The following PRH1 variants were observed in gnomAD, a reference collection of about 807,000 sequenced individuals.
The protein encoded by PRH1 is salivary acidic proline-rich phosphoprotein 1/2.
Under a neutral mutation model 7.9 loss-of-function variants are expected in PRH1, and 7 were observed. The ratio of observed to expected loss-of-function variants is 0.89; its 90% CI spans 0.50 to 1.67. PRH1 has a LOEUF of 1.67. Ranked by LOEUF, PRH1 falls within the 40% of genes most tolerant of loss-of-function variation. The pLI is 0.00. For synonymous variants in PRH1, 45 were observed against 80.8 expected (o/e 0.56, Z 2.38); for missense variants, 109 against 223.6 (o/e 0.49, Z 3.27).
At chr12:10,988,989 G>A (rs191150921) in intron 1 of PRH1, among the ~76,000 whole-genome samples, 5 of 152,168 alleles carry the variant, frequency 3.3e-5, no homozygotes, top group Non-Finnish European at 1.5e-5. Context: ...TGTATTTTTA[G>A]TACAGACAGG....
At chr12:11,061,347 A>G (rs765582301) in intron 1 of PRH1, 6 of 1,599,384 alleles carry the variant, frequency 3.8e-6, no homozygotes, top group Admixed American at 1.8e-5. Context: ...GAAGATACAC[A>G]ATGCTGCTCT....
chr12:11,073,334 A>T lies in PRH1; in HGVS notation n.124-26146T>A, dbSNP rs1944161327. Among the ~76,000 whole-genome samples the T allele has an allele frequency of 2.6e-5, 3 of 115,722 alleles. 1 individual carries two copies. The highest frequency in any genetic ancestry group is 6.1e-5 in the Non-Finnish European group (3 of 49,296). 75.9% of individuals were successfully genotyped at this position (115,722 alleles called of 152,430 possible). On this transcript the variant is annotated intron_variant and non_coding_transcript_variant, in intron 1 of 4. Coordinates refer to the PRH1 transcript ENST00000541977. ...TTTAAAGTAGAGACCTGGTTTCACC[A>T]TGTTAGCCAGGCTGGTCTCAAACTC...
chr12:11,062,580 T>A (rs1943660098), intron 1 of PRH1, among the ~76,000 whole-genome samples: 1 of 152,128 alleles, frequency 6.6e-6, no homozygotes, highest in Admixed American at 6.6e-5. Context: ...TTATTCATAC[T>A]GAAGTTGACA....
chr12:10,901,354 C>G (rs908120942), intron 2 of PRH1, among the ~76,000 whole-genome samples: 1 of 152,168 alleles, frequency 6.6e-6, no homozygotes, highest in South Asian at 2.1e-4. Flanking sequence ...CTCCAATATC[C>G]CTGTGCAAAG....
intron 2 of PRH1, among the ~76,000 whole-genome samples, chr12:10,944,813 C>T (rs117353112): frequency 0.02 from 3,012 of 152,162 alleles, 34 homozygotes; most frequent in South Asian, 0.031. Context: ...TTTATTGAGA[C>T]AGTCATGTGG....
At chr12:10,910,425 C>T (rs566926693) in intron 2 of PRH1, among the ~76,000 whole-genome samples, 13 of 151,926 alleles carry the variant, frequency 8.6e-5, no homozygotes, top group African/African-American at 1.9e-4. Flanking sequence ...AGTTTGAGAC[C>T]GGCCTGGGCA....
intron 1 of PRH1, among the ~76,000 whole-genome samples, chr12:10,996,153 TA>T (rs966765090): frequency 5.6e-4 from 79 of 140,142 alleles, no homozygotes; most frequent in South Asian, 4.5e-4. Context: ...CCATCTCTAC[TA>T]AAAAAAAAAA....
Position 11,093,460 on chromosome 12 carries a change from A to G in PRH1, n.124-46272T>C, listed in dbSNP as rs1204624172. On this transcript the variant is annotated intron_variant and non_coding_transcript_variant, in intron 1 of 4. Coordinates refer to the PRH1 transcript ENST00000541977. Reference sequence around the variant, plus strand: ...CTTGTAATTTCCAAAATAAAAAATGAGTTTCCAAGAGGCTGTGCAGATGAA... The same window carrying G: ...CTTGTAATTTCCAAAATAAAAAATGGGTTTCCAAGAGGCTGTGCAGATGAA... 2.6e-5 allele frequency among the ~76,000 whole-genome samples: 3 copies of G among 116,208 alleles called. 1 individual carries two copies. The highest frequency in any genetic ancestry group is 4.1e-5 in the Non-Finnish European group (2 of 49,168). 76.2% of individuals were successfully genotyped at this position (116,208 alleles called of 152,430 possible).
At chr12:11,018,264 G>A (rs181046913) in intron 1 of PRH1, among the ~76,000 whole-genome samples, 2 of 152,210 alleles carry the variant, frequency 1.3e-5, no homozygotes, top group Admixed American at 6.5e-5. Context: ...AAATAAAAAT[G>A]CAAGTGCAGA....
chr12:11,103,549 G>A (rs1265419902), intron 1 of PRH1, among the ~76,000 whole-genome samples: 2 of 151,484 alleles, frequency 1.3e-5, no homozygotes, highest in Non-Finnish European at 2.9e-5. Flanking sequence ...TGGGGTGGGG[G>A]GAGGAGGGAG....
intron 1 of PRH1, among the ~76,000 whole-genome samples, chr12:11,122,106 G>A (rs1168722655): frequency 6.8e-6 from 1 of 148,110 alleles, no homozygotes; most frequent in African/African-American, 2.5e-5. Flanking sequence ...ATATATGCGT[G>A]TGCACTCCTG....
intron 1 of PRH1, among the ~76,000 whole-genome samples, chr12:11,038,230 A>C (rs1942528161): frequency 6.6e-6 from 1 of 152,238 alleles, no homozygotes; most frequent in Admixed American, 6.5e-5. Flanking sequence ...GTGGAGCATA[A>C]CATACACATA....
At chr12:11,094,232 G>A (rs1247138651) in intron 1 of PRH1, among the ~76,000 whole-genome samples, 1 of 100,392 alleles carries the variant, frequency 1.0e-5, no homozygotes, top group East Asian at 2.3e-4. Context: ...AACCCCGGAG[G>A]CGGAGGTTGC....
At chr12:11,091,142 ATT>A (rs1177976062) in intron 1 of PRH1, 1,852 of 141,784 alleles carry the variant, frequency 0.013, 301 homozygotes, top group Middle Eastern at 0.038. Flanking sequence ...ATATATATAT[ATT>A]TTCTAGACTG....
At chr12:11,099,687 A>G (rs1436480175) in intron 1 of PRH1, among the ~76,000 whole-genome samples, 7 of 152,132 alleles carry the variant, frequency 4.6e-5, no homozygotes, top group Non-Finnish European at 1.0e-4. Context: ...ACAGAGTGAG[A>G]CTCCATCTCA....
At chr12:11,111,728 T>A (rs939391958) in intron 1 of PRH1, among the ~76,000 whole-genome samples, 15 of 152,066 alleles carry the variant, frequency 9.9e-5, no homozygotes, top group Non-Finnish European at 2.9e-5. Context: ...CACCCTAGCA[T>A]CACAATTAAA....
intron 1 of PRH1, chr12:11,133,743 A>G (rs764832223): frequency 3.7e-6 from 6 of 1,614,066 alleles, no homozygotes; most frequent in Middle Eastern, 1.6e-4. Context: ...GCACTCCTCA[A>G]TTTGATCTTC....
rs145671986 is a variant in PRH1, at chr12:10,997,694, A to T, written c.-125-23973T>A. The T allele has an allele frequency of 3.1e-6, 5 of 1,613,778 alleles. No homozygotes were observed. The African/African-American group carries it at 6.7e-5, about 22-fold the overall frequency. On this transcript the variant is annotated intron_variant, in intron 1 of 3. Coordinates refer to the PRH1 transcript ENST00000539853. ...AGTTGAATACCAATGTAATAATATT[A>T]CCCAGAGCAAACCAACTCTGGAGAC...
chr12:11,064,268 A>C, intron 1 of PRH1, among the ~76,000 whole-genome samples: 1 of 87,132 alleles, frequency 1.1e-5, no homozygotes. Context: ...TGTAGGTGCA[A>C]TCCTACATGT....
Sources: allele counts gnomAD v4.1 joint callset (sites outside exome capture counted in the v4.1 genomes callset), GRCh38; gene constraint gnomAD v4.1.1; transcripts MANE v1.5; gene names NCBI Gene and HGNC (gene_info 2026-07-23, HGNC 2026-07-21).